Variants in TRMT9B observed in about 807,000 individuals in gnomAD.
TRMT9B encodes probable tRNA methyltransferase 9B.
In TRMT9B, 16 loss-of-function variants were observed where a neutral mutation model predicts 11.5. The observed-to-expected ratio is 1.39, with a 90% confidence interval of 0.94 to 2.11. The LOEUF (loss-of-function observed/expected upper bound fraction) is 2.11. TRMT9B is among the 30% of genes most tolerant of loss of function. TRMT9B has a pLI of 0.00. For synonymous variants in TRMT9B, 274 were observed against 192.4 expected (o/e 1.42, Z -3.51); for missense variants, 941 against 553.8 (o/e 1.70, Z -7.02).
chr8:12,999,554 A>G (rs2128884673), intron 2 of TRMT9B, among the ~76,000 whole-genome samples: 1 of 152,302 alleles, frequency 6.6e-6, no homozygotes. Flanking sequence ...AATTTAAAAG[A>G]AATATTGTTG....
Position 13,026,319 on chromosome 8 carries a change from T to C in TRMT9B, c.*4275T>C, listed in dbSNP as rs1012457962. The C allele has an allele frequency of 1.8e-5, 3 of 167,122 alleles. No homozygotes were observed. The highest frequency in any genetic ancestry group is 1.9e-4 in the East Asian group (1 of 5,200). The allele number at this position is 167,122 out of a possible 1,614,324, so 10.4% of individuals were successfully genotyped here. On this transcript the variant is annotated 3_prime_UTR_variant, in exon 5 of 5. Transcript: ENST00000524591. ...GCATGTTCTCACTCATAGGTGGGAATTGAACAATGAGAACACATGGACACA... is the reference window on the plus strand; with the variant it reads ...GCATGTTCTCACTCATAGGTGGGAACTGAACAATGAGAACACATGGACACA...
chr8:12,975,292 C>T (rs1353947385), intron 1 of TRMT9B, among the ~76,000 whole-genome samples: 1 of 151,978 alleles, frequency 6.6e-6, no homozygotes, highest in Non-Finnish European at 1.5e-5. Flanking sequence ...TGGTCCACTC[C>T]CCTGAACGAT....
intron 4 of TRMT9B, among the ~76,000 whole-genome samples, chr8:13,020,020 G>T (rs117381710): frequency 6.6e-6 from 1 of 152,264 alleles, no homozygotes; most frequent in Non-Finnish European, 1.5e-5. Flanking sequence ...AGTTTGATCT[G>T]TACACAACCC....
chr8:12,986,751 A>T (rs1015758731), intron 1 of TRMT9B, among the ~76,000 whole-genome samples: 1 of 152,224 alleles, frequency 6.6e-6, no homozygotes, highest in African/African-American at 2.4e-5. Flanking sequence ...CATCTTCAGC[A>T]TGTTCCCTGC....
intron 3 of TRMT9B, chr8:13,010,406 G>C (rs1428551224): frequency 1.0e-6 from 1 of 983,502 alleles, no homozygotes; most frequent in Non-Finnish European, 1.2e-6. Context: ...TAATATGACT[G>C]TCCTCTAAAG....
In TRMT9B at chr8:12,950,156, T is replaced by C. The variant is rs570993795; in HGVS notation, c.-200+4190T>C. Among the ~76,000 whole-genome samples the C allele has an allele frequency of 7.2e-5, 11 of 152,242 alleles. No homozygotes were observed. In the South Asian group the frequency reaches 1.7e-3, roughly 23 times the overall value. On this transcript the variant is annotated intron_variant, in intron 1 of 4. Transcript: ENST00000524591. ...GGCATGAGCCACCTCACCTAGTCCT[T>C]AGCCAATTTTTTATATCTAAATCAG...
chr8:12,958,272 T>A (rs2977081), intron 1 of TRMT9B: 46,786 of 152,136 alleles, frequency 0.31, 7,762 homozygotes, highest in East Asian at 0.65. Context: ...TTGCCTGTTG[T>A]GCATAATGCT....
At chr8:12,955,629 T>C (rs1459635903) in intron 1 of TRMT9B, among the ~76,000 whole-genome samples, 4 of 152,224 alleles carry the variant, frequency 2.6e-5, no homozygotes, top group Admixed American at 2.6e-4. Context: ...CCATGGTTCT[T>C]CTGGGGTGTT....
At chr8:12,983,052 T>C (rs771878409) in intron 1 of TRMT9B, among the ~76,000 whole-genome samples, 1 of 152,232 alleles carries the variant, frequency 6.6e-6, no homozygotes, top group Non-Finnish European at 1.5e-5. Context: ...TTACTCAGTG[T>C]GGTCTTTTGC....
chr8:13,018,545 A>T (rs958485020), intron 4 of TRMT9B, among the ~76,000 whole-genome samples: 5 of 152,136 alleles, frequency 3.3e-5, no homozygotes, highest in African/African-American at 7.2e-5. Context: ...CCCCCCAAAA[A>T]ATAGTCAATT....
intron 1 of TRMT9B, among the ~76,000 whole-genome samples, chr8:12,967,201 T>C (rs1159171726): frequency 2.0e-5 from 3 of 152,218 alleles, no homozygotes; most frequent in Non-Finnish European, 2.9e-5. Flanking sequence ...CATCCAAAGA[T>C]ATGCACAATG....
intron 3 of TRMT9B, among the ~76,000 whole-genome samples, chr8:13,008,406 A>G (rs1432201020): frequency 6.6e-6 from 1 of 152,202 alleles, no homozygotes; most frequent in African/African-American, 2.4e-5. Context: ...TGATTACGGT[A>G]TGGGAGCTGA....
chr8:12,987,535 A>T (rs1806538464), intron 1 of TRMT9B, among the ~76,000 whole-genome samples: 1 of 152,074 alleles, frequency 6.6e-6, no homozygotes, highest in Non-Finnish European at 1.5e-5. Context: ...TACAAAAATC[A>T]CAAAATTAGC....
chr8:13,016,488 T>A (rs566529074), intron 4 of TRMT9B, among the ~76,000 whole-genome samples: 26 of 150,894 alleles, frequency 1.7e-4, no homozygotes, highest in African/African-American at 6.3e-4. Flanking sequence ...TATTTAAAGT[T>A]CTTATGTTGG....
chr8:13,021,014 A>T lies in TRMT9B; in HGVS notation c.335A>T (p.His112Leu). The T allele has an allele frequency of 2.6e-6, 4 of 1,540,248 alleles. No individual in the cohort carries two copies. Among genetic ancestry groups the T allele is most frequent in the Non-Finnish European group, 3.5e-6 (4 of 1,143,674 alleles). The change falls in exon 5 of 5, where the codon CAT (histidine) becomes CTT (leucine). Residue 112 changes from histidine to leucine, a missense_variant. Transcript: ENST00000524591. ...CTAGTTTTGTCTTTTTCAGTCATAC[A>T]TCATTTTTCTACAAAACAAAGAAGA... ...FDAIISIGVIHHFSTKQRRIR... is the reference protein window; with the variant it reads ...FDAIISIGVILHFSTKQRRIR...
rs1334044254 is a variant in TRMT9B at position 13,025,419 on chromosome 8, A to C, written c.*3375A>C. On this transcript the variant is annotated 3_prime_UTR_variant, in exon 5 of 5. Transcript: ENST00000524591. ...GTAATCCCAGCTACTTGGGAGGCTGAGGCAGGAGAATCGCTTGAACCTGGG... is the reference window on the plus strand; with the variant it reads ...GTAATCCCAGCTACTTGGGAGGCTGCGGCAGGAGAATCGCTTGAACCTGGG... 6.3e-6 allele frequency: 1 copy of C among 157,804 alleles called. No individual in the cohort carries two copies. Among genetic ancestry groups the C allele is most frequent in the African/African-American group, 2.4e-5 (1 of 41,480 alleles). 9.8% of individuals were successfully genotyped at this position (157,804 alleles called of 1,614,324 possible). A position where few individuals can be genotyped will look rare whatever the true frequency, so the allele number is the denominator to read the frequency against.
chr8:12,974,481 T>A (rs1179638835), intron 1 of TRMT9B, among the ~76,000 whole-genome samples: 3 of 152,182 alleles, frequency 2.0e-5, no homozygotes. Context: ...TCTGTGGGCC[T>A]GCCTGAATTT....
Position 13,014,243 on chromosome 8 carries a change from T to A in TRMT9B, c.328+1386T>A, listed in dbSNP as rs76290885. On this transcript the variant is annotated intron_variant, in intron 4 of 4. Transcript: ENST00000524591. ...TTGCAGTTGAAACTGTTAGATCCAT[T>A]TTGGTTGTAAGCATTAAGAGGATTG... Among the ~76,000 whole-genome samples the A allele has an allele frequency of 6.5e-3, 989 of 152,288 alleles. 8 individuals are homozygous for A. Among genetic ancestry groups the A allele is most frequent in the African/African-American group, 0.021 (859 of 41,568 alleles).
chr8:12,970,443 A>G (rs1172771815), intron 1 of TRMT9B, among the ~76,000 whole-genome samples: 1 of 152,186 alleles, frequency 6.6e-6, no homozygotes, highest in Admixed American at 6.5e-5. Flanking sequence ...TTATTGCTGC[A>G]TGATTCCAAT....
Sources: allele counts gnomAD v4.1 joint callset (sites outside exome capture counted in the v4.1 genomes callset), GRCh38; gene constraint gnomAD v4.1.1; transcripts MANE v1.5; gene names NCBI Gene and HGNC (gene_info 2026-07-23, HGNC 2026-07-21).